Variants in HLCS observed in about 807,000 individuals in gnomAD.
The protein encoded by HLCS is holocarboxylase synthetase, also known as biotin--protein ligase.
Under a neutral mutation model 75.0 loss-of-function variants are expected in HLCS, and 53 were observed. The observed-to-expected ratio is 0.71, with a 90% CI of 0.57 to 0.89. The LOEUF is 0.89. Among genes scored for constraint, HLCS ranks in the 40% least tolerant of loss-of-function variants. HLCS has a pLI of 0.00. For synonymous variants in HLCS, 431 were observed against 428.6 expected, an observed-to-expected ratio of 1.01 and a Z score of -0.07; for missense variants, 966 against 1,074.0, an observed-to-expected ratio of 0.90 and a Z score of 1.41.
At chr21:36,837,671 T>C (rs965597933) in intron 6 of HLCS, among the ~76,000 whole-genome samples, 4 of 152,198 alleles carry the variant, frequency 2.6e-5, no homozygotes, top group African/African-American at 7.2e-5. Context: ...CATAGAAGAA[T>C]AAGGATTAGT....
intron 6 of HLCS, among the ~76,000 whole-genome samples, chr21:36,799,047 A>AT (rs373697540): frequency 0.012 from 1,841 of 151,968 alleles, 29 homozygotes; most frequent in African/African-American, 0.041. Flanking sequence ...CATTTTAATC[A>AT]TTTTTTCTTT....
intron 6 of HLCS, among the ~76,000 whole-genome samples, chr21:36,787,412 C>T (rs2060721939): frequency 6.6e-6 from 1 of 152,210 alleles, no homozygotes; most frequent in Non-Finnish European, 1.5e-5. Flanking sequence ...CTGGTTAAGA[C>T]CCGCAGGGGT....
At chr21:36,758,984 A>G (rs76593529) in intron 9 of HLCS, among the ~76,000 whole-genome samples, 3 of 130,464 alleles carry the variant, frequency 2.3e-5, no homozygotes, top group African/African-American at 8.3e-5. Flanking sequence ...ACTCCATTTC[A>G]AAAAAAAAAA....
chr21:36,811,736 C>T (rs949786788), intron 6 of HLCS, among the ~76,000 whole-genome samples: 2 of 152,204 alleles, frequency 1.3e-5, no homozygotes, highest in African/African-American at 4.8e-5. Context: ...TGAAACAATG[C>T]TCTGGTCATA....
At chr21:36,807,541 A>G (rs1460856593) in intron 6 of HLCS, among the ~76,000 whole-genome samples, 1 of 152,268 alleles carries the variant, frequency 6.6e-6, no homozygotes, top group East Asian at 1.9e-4. Flanking sequence ...TGATCCGCCC[A>G]CTGCCTGGTG....
At chr21:36,941,394 C>T (rs896552786) in intron 2 of HLCS, among the ~76,000 whole-genome samples, 3 of 152,184 alleles carry the variant, frequency 2.0e-5, no homozygotes, top group Admixed American at 6.5e-5. Context: ...ATTACCCAGT[C>T]TTGGGCAGTT....
At chr21:36,894,754 T>C (rs1336966108) in intron 6 of HLCS, among the ~76,000 whole-genome samples, 18 of 152,188 alleles carry the variant, frequency 1.2e-4, no homozygotes, top group Non-Finnish European at 2.5e-4. Flanking sequence ...TAAAAACTCT[T>C]AACCCTATGG....
intron 1 of HLCS, among the ~76,000 whole-genome samples, chr21:36,965,946 GA>G (rs2068549154): frequency 6.6e-6 from 1 of 152,042 alleles, no homozygotes; most frequent in Non-Finnish European, 1.5e-5. Context: ...TTTTTGTAGA[GA>G]GGGGTCTAGC....
At chr21:36,779,612 C>T (rs1034265537) in intron 6 of HLCS, among the ~76,000 whole-genome samples, 2 of 152,196 alleles carry the variant, frequency 1.3e-5, no homozygotes, top group East Asian at 1.9e-4. Context: ...CGAAATCACA[C>T]TTACTAACTA....
chr21:36,916,519 T>C (rs1013943441), intron 5 of HLCS, among the ~76,000 whole-genome samples: 1 of 71,766 alleles, frequency 1.4e-5, no homozygotes, highest in African/African-American at 6.8e-5. Context: ...GCCTAGCTAA[T>C]TTTTTTTTTT....
At chr21:36,981,147 A>G (rs983576458) in intron 1 of HLCS, among the ~76,000 whole-genome samples, 2 of 152,334 alleles carry the variant, frequency 1.3e-5, no homozygotes, top group Non-Finnish European at 2.9e-5. Flanking sequence ...TGAGACTGCA[A>G]ACCTTCAAGG....
At chr21:36,848,940 C>A (rs1380980944) in intron 6 of HLCS, among the ~76,000 whole-genome samples, 3 of 152,136 alleles carry the variant, frequency 2.0e-5, no homozygotes, top group Non-Finnish European at 2.9e-5. Context: ...CGGCTCAATG[C>A]AAGTCTAATT....
At chr21:36,925,991 T>A (rs148118700) in intron 5 of HLCS, among the ~76,000 whole-genome samples, 221 of 152,364 alleles carry the variant, frequency 1.5e-3, no homozygotes, top group African/African-American at 5.1e-3. Flanking sequence ...AAAACATTCA[T>A]GTCCCAGCAC....
chr21:36,859,100 G>A (rs951071524), intron 6 of HLCS, among the ~76,000 whole-genome samples: 3 of 152,206 alleles, frequency 2.0e-5, no homozygotes, highest in African/African-American at 7.2e-5. Flanking sequence ...CTGGCTCACT[G>A]TAACCTCCAC....
chr21:36,939,025 G>A, intron 2 of HLCS, 31 bp from the exon 3 acceptor site: 3 of 1,575,500 alleles, frequency 1.9e-6, no homozygotes, highest in Non-Finnish European at 2.6e-6. Flanking sequence ...GAGGAGGTGG[G>A]AAAAGACAGG....
At chr21:36,978,800 A>G (rs2069016695) in intron 1 of HLCS, among the ~76,000 whole-genome samples, 1 of 152,218 alleles carries the variant, frequency 6.6e-6, no homozygotes, top group African/African-American at 2.4e-5. Context: ...CAGCGGACTC[A>G]GCTGGGAACT....
chr21:36,864,924 C>T (rs981400137), intron 6 of HLCS, among the ~76,000 whole-genome samples: 2 of 152,080 alleles, frequency 1.3e-5, no homozygotes, highest in East Asian at 1.9e-4. Context: ...AAACTGCTTC[C>T]AACATATTTG....
intron 2 of HLCS, among the ~76,000 whole-genome samples, chr21:36,957,239 T>C (rs1252879445): frequency 6.6e-6 from 1 of 152,004 alleles, no homozygotes; most frequent in East Asian, 1.9e-4. Context: ...GTGAGTGAGT[T>C]CTCACAAGAC....
chr21:36,920,113 G>A (rs1044100610), intron 5 of HLCS, among the ~76,000 whole-genome samples: 7 of 152,150 alleles, frequency 4.6e-5, no homozygotes, highest in Non-Finnish European at 7.3e-5. Flanking sequence ...CGGAAGAATT[G>A]TCTGAGCCCA....
Sources: allele counts gnomAD v4.1 joint callset (sites outside exome capture counted in the v4.1 genomes callset), GRCh38; gene constraint gnomAD v4.1.1; transcripts MANE v1.5; gene names NCBI Gene and HGNC (gene_info 2026-07-23, HGNC 2026-07-21).